Variants in VRK3 observed in about 807,000 individuals in gnomAD.
VRK3 encodes the protein VRK serine/threonine kinase 3, also known as serine/threonine-protein kinase VRK3.
VRK3 carries 50 observed loss-of-function variants against 60.4 expected under a neutral mutation model. The observed-to-expected ratio is 0.83, with a 90% CI of 0.66 to 1.05. The LOEUF (loss-of-function observed/expected upper bound fraction) is 1.05, where lower values mean the gene tolerates loss of function less well. VRK3 is among the 50% of genes least tolerant of loss of function. VRK3 has a pLI of 0.00. For synonymous variants in VRK3, 246 were observed against 227.8 expected (o/e 1.08, Z -0.72); for missense variants, 549 against 585.3 (o/e 0.94, Z 0.64).
intron 12 of VRK3, among the ~76,000 whole-genome samples, chr19:49,984,181 A>C (rs929478706): frequency 1.6e-4 from 25 of 152,064 alleles, no homozygotes; most frequent in African/African-American, 5.8e-4. Flanking sequence ...AACCGAGGGG[A>C]GCCTTGGAGA....
chr19:50,006,011 C>T (rs1218811409), intron 5 of VRK3, among the ~76,000 whole-genome samples: 1 of 149,252 alleles, frequency 6.7e-6, no homozygotes, highest in African/African-American at 2.6e-5. Flanking sequence ...AATGAATTTT[C>T]GTGGTGGCTC....
intron 1 of VRK3, among the ~76,000 whole-genome samples, chr19:50,021,841 G>A (rs1600731822): frequency 6.6e-6 from 1 of 152,224 alleles, no homozygotes; most frequent in African/African-American, 2.4e-5. Context: ...AGACCACTGT[G>A]CTAAGTTCTC....
chr19:50,010,923 C>CAAAAACA (rs202001302), intron 3 of VRK3, among the ~76,000 whole-genome samples: 1 of 151,748 alleles, frequency 6.6e-6, no homozygotes. Context: ...AAAACAAAAA[C>CAAAAACA]AAAAACAAAA....
At position 49,984,002 on chromosome 19, in the gene VRK3, G is replaced by A. The variant is rs2076470080; in HGVS notation, c.1218-2989C>T. On this transcript the variant is annotated intron_variant, in intron 12 of 14. Transcript: ENST00000316763. Reference sequence around the variant, plus strand: ...TACTGTTATCCATGCTGCTATCATTGATATGAGATGATTACCATGACCTGT... The same window carrying A: ...TACTGTTATCCATGCTGCTATCATTAATATGAGATGATTACCATGACCTGT... Among the ~76,000 whole-genome samples the A allele has an allele frequency of 5.9e-5, 9 of 152,280 alleles. No individual in the cohort carries two copies. In the South Asian group the frequency reaches 1.0e-3, roughly 18 times the overall value.
intron 1 of VRK3, among the ~76,000 whole-genome samples, chr19:50,023,386 T>C (rs2077202551): frequency 6.6e-6 from 1 of 152,356 alleles, no homozygotes; most frequent in Admixed American, 6.5e-5. Flanking sequence ...GGTTTCACCA[T>C]GTTGGCCAGG....
intron 2 of VRK3, among the ~76,000 whole-genome samples, chr19:50,018,296 T>TAA (rs1209471352): frequency 1.3e-5 from 2 of 152,256 alleles, no homozygotes; most frequent in Non-Finnish European, 2.9e-5. Flanking sequence ...GTACCCAAGT[T>TAA]ACTATATTCC....
intron 7 of VRK3, chr19:49,997,274 C>T (rs1019013411): frequency 4.4e-6 from 2 of 456,254 alleles, no homozygotes; most frequent in Non-Finnish European, 3.9e-6. Flanking sequence ...CGTCAACCCA[C>T]GCCCAGCCTG....
intron 14 of VRK3, chr19:49,978,588 T>C (rs2076369896): frequency 6.5e-6 from 1 of 153,006 alleles, no homozygotes. Context: ...CTGTGAGGAG[T>C]GTCCGTCATC....
chr19:50,000,382 G>C, intron 6 of VRK3: 1 of 205,596 alleles, frequency 4.9e-6, no homozygotes, highest in South Asian at 7.0e-5. Flanking sequence ...GACCCCATCT[G>C]CTGGGTTCTC....
At chr19:50,016,215 G>A (rs1383475855) in intron 2 of VRK3, 52 bp from the exon 3 acceptor site, 7 of 1,606,016 alleles carry the variant, frequency 4.4e-6, no homozygotes, top group Non-Finnish European at 5.1e-6. Flanking sequence ...CTGAAGGTCA[G>A]TGGAAGTATT....
chr19:50,022,468 G>C (rs79602855), intron 1 of VRK3, among the ~76,000 whole-genome samples: 8,291 of 152,228 alleles, frequency 0.054, 262 homozygotes, highest in Middle Eastern at 0.11. Context: ...ATCTAAGTCA[G>C]ACCCTGTCTG....
chr19:49,999,655 C>T (rs3786673), intron 6 of VRK3: 33,758 of 148,710 alleles, frequency 0.23, 4,324 homozygotes, highest in Middle Eastern at 0.35. Context: ...CACCCCTCTT[C>T]CCGATGGGAC....
chr19:49,981,573 CT>C, intron 12 of VRK3: 1 of 553,488 alleles, frequency 1.8e-6, no homozygotes. Flanking sequence ...AACAATACAC[CT>C]TGTTTTATGT....
At chr19:49,981,138 G>T in intron 12 of VRK3, 125 bp from the exon 13 acceptor site, 2 of 903,702 alleles carry the variant, frequency 2.2e-6, no homozygotes, top group Non-Finnish European at 3.5e-6. Context: ...ATCCAGGGAA[G>T]TTATGTTCTT....
chr19:50,015,799 G>A lies in VRK3; in HGVS notation c.139+225C>T, dbSNP rs553746220. Reference sequence around the variant, plus strand: ...AGCAGGGGAGTCCAGGCTGGCTGGAGATAGAAATGAAGGAGATGTTAACAT... The same window carrying A: ...AGCAGGGGAGTCCAGGCTGGCTGGAAATAGAAATGAAGGAGATGTTAACAT... On this transcript the variant is annotated intron_variant, in intron 3 of 14. Coordinates refer to ENST00000316763, the MANE Select transcript of VRK3 (RefSeq NM_016440.4). The A allele has an allele frequency of 3.9e-5, 23 of 587,038 alleles. No homozygotes were observed. In the East Asian group the frequency reaches 5.4e-4, roughly 14 times the overall value. 36.4% of individuals were successfully genotyped at this position (587,038 alleles called of 1,614,324 possible). A position where few individuals can be genotyped will look rare whatever the true frequency, so the allele number is the denominator to read the frequency against.
At chr19:50,012,702 C>T (rs1034929305) in intron 3 of VRK3, among the ~76,000 whole-genome samples, 5 of 151,874 alleles carry the variant, frequency 3.3e-5, no homozygotes, top group African/African-American at 1.2e-4. Flanking sequence ...TGGGGAAAGC[C>T]GGTCTCTACT....
At chr19:50,007,441 G>GA in intron 5 of VRK3, 128 bp downstream of exon 5, 1 of 1,420,026 alleles carries the variant, frequency 7.0e-7, no homozygotes, top group Non-Finnish European at 9.6e-7. Flanking sequence ...AGGTCTAAGA[G>GA]AAAGTTGCCT....
chr19:50,019,179 A>AG (rs1157124567), intron 2 of VRK3: 10 of 135,892 alleles, frequency 7.4e-5, no homozygotes, highest in Non-Finnish European at 1.3e-4. Context: ...AAAAAAAAAA[A>AG]AAAAAAAAGA....
intron 4 of VRK3, among the ~76,000 whole-genome samples, chr19:50,008,481 C>T (rs1015991040): frequency 9.9e-5 from 15 of 152,158 alleles, no homozygotes; most frequent in African/African-American, 3.1e-4. Context: ...GCAAAGGGGA[C>T]GCCTCACACT....
Sources: gnomAD v4.1 joint callset for allele counts (sites outside exome capture counted in the v4.1 genomes callset) on GRCh38, gnomAD v4.1.1 for gene constraint, MANE v1.5 for transcripts, NCBI Gene and HGNC (gene_info 2026-07-23, HGNC 2026-07-21) for gene names.